The following STAG1 variants were observed in gnomAD, a reference collection of about 807,000 sequenced individuals.
STAG1 encodes the protein cohesin subunit SA-1.
A neutral mutation model predicts 170.9 loss-of-function variants in STAG1; 26 were observed. The observed-to-expected ratio is 0.15, with a 90% CI of 0.11 to 0.21. The LOEUF (loss-of-function observed/expected upper bound fraction) is 0.21. Among genes scored for constraint, STAG1 ranks in the 10% least tolerant of loss-of-function variants. STAG1 has a pLI of 1.00. For missense variants in STAG1, 964 were observed against 1,509.5 expected (o/e 0.64, Z 5.99); for synonymous variants, 514 against 497.7 (o/e 1.03, Z -0.44).
At chr3:136,487,731 A>G (rs1444057234) in intron 9 of STAG1, among the ~76,000 whole-genome samples, 1 of 152,176 alleles carries the variant, frequency 6.6e-6, no homozygotes, top group Non-Finnish European at 1.5e-5. Context: ...GATGTCCACA[A>G]ATTCTTTGCT....
At chr3:136,552,870 A>G (rs547262555) in intron 5 of STAG1, among the ~76,000 whole-genome samples, 137 of 152,312 alleles carry the variant, frequency 9.0e-4, no homozygotes, top group African/African-American at 3.1e-3. Context: ...CTGCAAAGCA[A>G]ATGCTAAATC....
intron 22 of STAG1, among the ~76,000 whole-genome samples, chr3:136,378,512 C>T (rs1576407722): frequency 6.6e-6 from 1 of 152,228 alleles, no homozygotes; most frequent in African/African-American, 2.4e-5. Context: ...GTGGGCAACA[C>T]AGAAAATTAG....
intron 1 of STAG1, among the ~76,000 whole-genome samples, chr3:136,715,754 A>G (rs917686324): frequency 3.9e-5 from 6 of 152,206 alleles, no homozygotes; most frequent in Non-Finnish European, 7.3e-5. Flanking sequence ...GACATTATCA[A>G]TAACTACTGT....
intron 1 of STAG1, 38 bp from the exon 2 acceptor site, chr3:136,631,019 TGAG>T (rs1438800639): frequency 2.9e-5 from 28 of 982,148 alleles, no homozygotes; most frequent in Non-Finnish European, 4.0e-5. Flanking sequence ...TAAAATAAAA[TGAG>T]GATGACAAAA....
chr3:136,694,456 A>C (rs1042215694), intron 1 of STAG1, among the ~76,000 whole-genome samples: 2 of 152,022 alleles, frequency 1.3e-5, no homozygotes, highest in African/African-American at 2.4e-5. Flanking sequence ...TCTCAACAAA[A>C]TAAAAAAAAA....
intron 9 of STAG1, among the ~76,000 whole-genome samples, chr3:136,488,562 G>C (rs1209393582): frequency 6.6e-6 from 1 of 152,152 alleles, no homozygotes; most frequent in Non-Finnish European, 1.5e-5. Context: ...TAGTTCTTTA[G>C]TCCAAATAGC....
At chr3:136,519,897 G>GA (rs1576556698) in intron 7 of STAG1, among the ~76,000 whole-genome samples, 2 of 151,800 alleles carry the variant, frequency 1.3e-5, no homozygotes, top group African/African-American at 4.8e-5. Flanking sequence ...TTAATCTTTT[G>GA]AAAAAAGATA....
intron 1 of STAG1, among the ~76,000 whole-genome samples, chr3:136,660,610 G>A (rs1013626604): frequency 6.6e-6 from 1 of 152,144 alleles, no homozygotes; most frequent in African/African-American, 2.4e-5. Flanking sequence ...AAATTAATGT[G>A]ATAGAAAATC....
chr3:136,642,004 G>A (rs1940818917), intron 1 of STAG1, among the ~76,000 whole-genome samples: 1 of 152,084 alleles, frequency 6.6e-6, no homozygotes, highest in South Asian at 2.1e-4. Context: ...AAAAAGAGGT[G>A]AGGTACTTTA....
chr3:136,673,203 TA>T (rs1018188158), intron 1 of STAG1, among the ~76,000 whole-genome samples: 3 of 152,184 alleles, frequency 2.0e-5, no homozygotes, highest in African/African-American at 7.2e-5. Flanking sequence ...TTGGGCCACT[TA>T]AATCTGTAAA....
At chr3:136,688,051 T>C (rs1323630081) in intron 1 of STAG1, among the ~76,000 whole-genome samples, 5 of 152,138 alleles carry the variant, frequency 3.3e-5, no homozygotes, top group African/African-American at 4.8e-5. Flanking sequence ...GAGACTAATT[T>C]ATACTGGCCT....
chr3:136,340,020 A>G (rs559697514), intron 32 of STAG1, among the ~76,000 whole-genome samples: 11 of 152,362 alleles, frequency 7.2e-5, no homozygotes, highest in Admixed American at 3.3e-4. Context: ...TGTTATTATC[A>G]GAATTTAAAA....
intron 1 of STAG1, among the ~76,000 whole-genome samples, chr3:136,647,523 C>T (rs1357632140): frequency 3.3e-5 from 5 of 152,026 alleles, no homozygotes; most frequent in Non-Finnish European, 7.4e-5. Context: ...GAGCCGAGAT[C>T]GTGCCATTGC....
At chr3:136,608,712 G>C (rs1939090268) in intron 3 of STAG1, among the ~76,000 whole-genome samples, 1 of 147,584 alleles carries the variant, frequency 6.8e-6, no homozygotes, top group African/African-American at 2.5e-5. Context: ...GCTGAAGTAG[G>C]AGAATCGAAT....
At chr3:136,667,963 G>A (rs977287080) in intron 1 of STAG1, among the ~76,000 whole-genome samples, 2 of 151,994 alleles carry the variant, frequency 1.3e-5, no homozygotes, top group East Asian at 1.9e-4. Context: ...TGAGGCAGGC[G>A]GATTGCTTGA....
intron 3 of STAG1, among the ~76,000 whole-genome samples, chr3:136,615,777 C>CAAAAAAA (rs35492234): frequency 7.6e-6 from 1 of 131,024 alleles, no homozygotes. Context: ...GACTCCAAAT[C>CAAAAAAA]AAAAAAAAAA....
chr3:136,525,706 C>A (rs905335753), intron 6 of STAG1, among the ~76,000 whole-genome samples: 5 of 152,184 alleles, frequency 3.3e-5, no homozygotes, highest in Admixed American at 3.3e-4. Flanking sequence ...AATTTTAGAT[C>A]TTTCCTGCTT....
At chr3:136,611,093 T>A (rs1939251945) in intron 3 of STAG1, among the ~76,000 whole-genome samples, 1 of 152,190 alleles carries the variant, frequency 6.6e-6, no homozygotes, top group Non-Finnish European at 1.5e-5. Context: ...AGTCTAAACA[T>A]GAAACTCGTT....
intron 4 of STAG1, among the ~76,000 whole-genome samples, chr3:136,601,703 G>A (rs1264336741): frequency 6.6e-6 from 1 of 152,072 alleles, no homozygotes; most frequent in Non-Finnish European, 1.5e-5. Context: ...TAGACGTGGT[G>A]GCAGGCACCT....
Sources: allele counts gnomAD v4.1 joint callset (sites outside exome capture counted in the v4.1 genomes callset), GRCh38; gene constraint gnomAD v4.1.1; transcripts MANE v1.5; gene names NCBI Gene and HGNC (gene_info 2026-07-23, HGNC 2026-07-21).